The following SGK2 variants were observed in gnomAD, a reference collection of about 807,000 sequenced individuals.
SGK2 encodes the protein serum/glucocorticoid regulated kinase 2.
In SGK2, 36 loss-of-function variants were observed where a neutral mutation model predicts 47.5. The ratio of observed to expected loss-of-function variants is 0.76; its 90% confidence interval spans 0.58 to 1.00. The LOEUF (loss-of-function observed/expected upper bound fraction) is 1.00. Among genes scored for constraint, SGK2 ranks in the 50% least tolerant of loss-of-function variants. SGK2 has a pLI of 0.00. For missense variants in SGK2, 404 were observed against 467.4 expected (o/e 0.86, Z 1.25); for synonymous variants, 157 against 181.9 (o/e 0.86, Z 1.10).
At chr20:43,573,875 G>A (rs1980306983) in intron 9 of SGK2, among the ~76,000 whole-genome samples, 1 of 152,128 alleles carries the variant, frequency 6.6e-6, no homozygotes, top group African/African-American at 2.4e-5. Flanking sequence ...CGGGAACAAA[G>A]GATATGGAAC....
At chr20:43,582,794 T>G (rs1210605875) in intron 12 of SGK2, among the ~76,000 whole-genome samples, 1 of 152,062 alleles carries the variant, frequency 6.6e-6, no homozygotes, top group Non-Finnish European at 1.5e-5. Flanking sequence ...TTCAAGCAAT[T>G]CTCATGCCCC....
rs558804044 is a variant in SGK2, at chr20:43,575,813, G to A, written c.694-411G>A. Among the ~76,000 whole-genome samples, 12 of 152,280 alleles carry A rather than the reference G, an allele frequency of 7.9e-5. No individual in the cohort carries two copies. The South Asian group carries it at 8.3e-4, about 11-fold the overall frequency. On this transcript the variant is annotated intron_variant, in intron 10 of 12. Transcript: ENST00000373100. ...GAGGAAGAATAGTAAGAAAGAGAAG[G>A]GGACCCTGGATATGGTTTGGGGCCT...
Position 43,572,050 on chromosome 20 carries a change from G to A in SGK2, c.511-1G>A, listed in dbSNP as rs1416339429. The A allele has an allele frequency of 6.5e-7, 1 of 1,547,654 alleles. No individual in the cohort carries two copies. Among genetic ancestry groups the A allele is most frequent in the South Asian group, 1.2e-5 (1 of 83,922 alleles). On this transcript the variant is annotated splice_acceptor_variant, in intron 8 of 12. Transcript: ENST00000373100. LOFTEE classifies it high-confidence loss of function. This position sits in a 1 kb window ranked among gnomAD's most constrained non-coding sequence, Gnocchi z 4.2. Reference sequence around the variant, plus strand: ...CAGCCCATGCCCTCCGTCATTCTCAGGGACACGTGGTGCTGACGGATTTTG... The same window carrying A: ...CAGCCCATGCCCTCCGTCATTCTCAAGGACACGTGGTGCTGACGGATTTTG...
At chr20:43,562,450 A>C (rs1045683566) in intron 1 of SGK2, among the ~76,000 whole-genome samples, 4 of 139,542 alleles carry the variant, frequency 2.9e-5, no homozygotes, top group African/African-American at 1.0e-4. Flanking sequence ...AAAAAGATTG[A>C]GATGCTTTGG....
At chr20:43,584,056 G>A (rs1371727456) in intron 12 of SGK2, among the ~76,000 whole-genome samples, 1 of 152,060 alleles carries the variant, frequency 6.6e-6, no homozygotes, top group Non-Finnish European at 1.5e-5. Context: ...CATATCTGTG[G>A]TCAGCTAGCG....
At chr20:43,567,571 C>T (rs1979810917) in intron 3 of SGK2, 94 bp from the exon 4 acceptor site, 2 of 1,152,618 alleles carry the variant, frequency 1.7e-6, no homozygotes, top group Admixed American at 1.9e-5. Flanking sequence ...TGTATTTCCC[C>T]ATTCTAAAGT....
intron 1 of SGK2, among the ~76,000 whole-genome samples, chr20:43,561,521 C>CT (rs1979377988): frequency 6.6e-6 from 1 of 151,478 alleles, no homozygotes; most frequent in Non-Finnish European, 1.5e-5. Flanking sequence ...TCCTGAGTAG[C>CT]TGGGACTACA....
At chr20:43,565,230 T>C (rs900784627) in intron 1 of SGK2, 8 of 152,446 alleles carry the variant, frequency 5.2e-5, no homozygotes, top group African/African-American at 1.9e-4. Context: ...TCTTGTCCAC[T>C]GCCTGTCTTC....
intron 11 of SGK2, 37 bp from the exon 12 acceptor site, chr20:43,579,935 A>G (rs1162205910): frequency 2.1e-6 from 3 of 1,433,448 alleles, no homozygotes; most frequent in Admixed American, 3.3e-5. Context: ...GGGGAGGGCT[A>G]CTTCTAACCA....
intron 1 of SGK2, chr20:43,564,645 C>T (rs1343529435): frequency 1.3e-5 from 2 of 151,870 alleles, no homozygotes; most frequent in African/African-American, 4.9e-5. Flanking sequence ...TCACACTCAC[C>T]CACATACACA....
chr20:43,579,824 C>A, intron 11 of SGK2, 148 bp from the exon 12 acceptor site: 1 of 657,422 alleles, frequency 1.5e-6, no homozygotes, highest in Non-Finnish European at 2.7e-6. Flanking sequence ...GCAAAACTCT[C>A]TTGTCCCAGG....
chr20:43,570,976 A>G, intron 7 of SGK2, 48 bp from the exon 8 acceptor site: 1 of 1,611,964 alleles, frequency 6.2e-7, no homozygotes, highest in South Asian at 1.1e-5. Flanking sequence ...AACTCTCCTC[A>G]CTAAATGGCT....
intron 1 of SGK2, among the ~76,000 whole-genome samples, chr20:43,559,380 T>C (rs893469855): frequency 1.5e-4 from 23 of 152,144 alleles, no homozygotes; most frequent in African/African-American, 5.1e-4. Flanking sequence ...CTAACCAACT[T>C]ACATCCTCAC....
chr20:43,583,261 T>C (rs1341727563), intron 12 of SGK2: 3 of 1,289,798 alleles, frequency 2.3e-6, no homozygotes, highest in East Asian at 5.5e-5. Context: ...GTCGAACTTA[T>C]ACCCTGGAGA....
chr20:43,583,894 C>T (rs183569348), intron 12 of SGK2, among the ~76,000 whole-genome samples: 1 of 152,222 alleles, frequency 6.6e-6, no homozygotes, highest in East Asian at 1.9e-4. Context: ...CCTGGGATGT[C>T]GAAGCTATAG....
intron 8 of SGK2, among the ~76,000 whole-genome samples, 185 bp downstream of exon 8, chr20:43,571,245 C>T (rs1228496887): frequency 6.6e-6 from 1 of 152,176 alleles, no homozygotes; most frequent in Non-Finnish European, 1.5e-5. Context: ...CATATGTGCA[C>T]ATGAGACTGT....
intron 12 of SGK2, among the ~76,000 whole-genome samples, chr20:43,582,814 A>C (rs1360581000): frequency 1.3e-5 from 2 of 152,082 alleles, no homozygotes; most frequent in Admixed American, 1.3e-4. Flanking sequence ...CAGCCTCCCG[A>C]GTAGCTGGGA....
chr20:43,568,354 T>A (rs62224801), intron 5 of SGK2, among the ~76,000 whole-genome samples: 5,937 of 152,334 alleles, frequency 0.039, 160 homozygotes, highest in Middle Eastern at 0.071. Context: ...TCAGGCCATA[T>A]GGCTGGAGTG....
intron 9 of SGK2, among the ~76,000 whole-genome samples, chr20:43,573,934 G>A (rs1033226892): frequency 1.3e-5 from 2 of 152,154 alleles, no homozygotes; most frequent in South Asian, 2.1e-4. Flanking sequence ...CCTTTACCAC[G>A]ACTCAGCCAC....
Sources: gnomAD v4.1 joint callset for allele counts (sites outside exome capture counted in the v4.1 genomes callset) on GRCh38, gnomAD v4.1.1 for gene constraint, Gnocchi (gnomAD v3.1) non-coding constraint, MANE v1.5 for transcripts, NCBI Gene and HGNC (gene_info 2026-07-23, HGNC 2026-07-21) for gene names.